Variants in CHCHD3 observed in about 807,000 individuals in gnomAD.
CHCHD3 encodes coiled-coil-helix-coiled-coil-helix domain containing 3.
CHCHD3 carries 20 observed loss-of-function variants against 38.2 expected under a neutral mutation model. That is an observed-to-expected ratio of 0.52 (90% CI 0.37 to 0.76). CHCHD3 has a LOEUF of 0.76. Among genes scored for constraint, CHCHD3 ranks in the 30% least tolerant of loss-of-function variants. The pLI is 0.00. For missense variants in CHCHD3, 245 were observed against 279.2 expected (o/e 0.88, Z 0.87); for synonymous variants, 82 against 100.0 (o/e 0.82, Z 1.07).
chr7:132,790,741 C>T (rs1170913297), intron 7 of CHCHD3, among the ~76,000 whole-genome samples: 4 of 152,122 alleles, frequency 2.6e-5, no homozygotes, highest in Admixed American at 1.3e-4. Context: ...AAGTGGCCAC[C>T]GTGTACATCG....
Position 132,893,647 on chromosome 7 carries a change from C to T in CHCHD3, c.370-7902G>A, listed in dbSNP as rs147430742. 1.6e-4 allele frequency among the ~76,000 whole-genome samples: 25 copies of T among 152,320 alleles called. No individual in the cohort carries two copies. The East Asian group carries it at 3.9e-3, about 24-fold the overall frequency. ...CAAACTGTAATCTCCATAATCTCCA[C>T]GTGTCAAGGGACAGACCTGGTGGGA... On this transcript the variant is annotated intron_variant, in intron 4 of 7. Coordinates refer to ENST00000262570, the MANE Select transcript of CHCHD3 (RefSeq NM_017812.4).
At chr7:132,903,855 G>A (rs1809729386) in intron 4 of CHCHD3, among the ~76,000 whole-genome samples, 1 of 152,204 alleles carries the variant, frequency 6.6e-6, no homozygotes, top group African/African-American at 2.4e-5. Flanking sequence ...CCAGAGGAAA[G>A]AGATTCCCAC....
chr7:133,021,914 G>T (rs547111089), intron 3 of CHCHD3, among the ~76,000 whole-genome samples: 1 of 151,874 alleles, frequency 6.6e-6, no homozygotes, highest in Non-Finnish European at 1.5e-5. Context: ...GTGAAACCCC[G>T]TCTCTACTAA....
intron 6 of CHCHD3, among the ~76,000 whole-genome samples, chr7:132,810,946 C>G (rs1318264034): frequency 6.6e-6 from 1 of 152,160 alleles, no homozygotes; most frequent in Admixed American, 6.6e-5. Flanking sequence ...TATGGCACTT[C>G]TTTGGTAAAC....
At chr7:132,857,166 A>G (rs1808361800) in intron 5 of CHCHD3, among the ~76,000 whole-genome samples, 1 of 152,238 alleles carries the variant, frequency 6.6e-6, no homozygotes, top group Non-Finnish European at 1.5e-5. Flanking sequence ...TTTTAAATAG[A>G]ACATAAAACA....
At chr7:132,806,896 G>A (rs901948658) in intron 6 of CHCHD3, among the ~76,000 whole-genome samples, 7 of 152,154 alleles carry the variant, frequency 4.6e-5, no homozygotes, top group African/African-American at 1.7e-4. Context: ...ACAAAGAAGG[G>A]CAGGCAGAAA....
rs114062255 is a variant in CHCHD3, at chr7:132,965,679, G to A, written c.369+9490C>T. On this transcript the variant is annotated intron_variant, in intron 4 of 7. Coordinates refer to ENST00000262570, the MANE Select transcript of CHCHD3 (RefSeq NM_017812.4). ...AAATATGTGCATACACTGGGCTAAA[G>A]AAACTGTAAATGGATGAAGTTTAAT... is the stretch of plus-strand genomic sequence containing the variant. Among the ~76,000 whole-genome samples, 257 of 152,294 alleles carry A rather than the reference G, an allele frequency of 1.7e-3. 2 individuals carry two copies. Among genetic ancestry groups the A allele is most frequent in the African/African-American group, 5.9e-3 (244 of 41,578 alleles).
intron 2 of CHCHD3, among the ~76,000 whole-genome samples, chr7:133,028,858 C>T (rs112647794): frequency 0.024 from 3,599 of 149,684 alleles, 154 homozygotes; most frequent in African/African-American, 0.084. Flanking sequence ...GCACTCCGGC[C>T]TGGGCGACAG....
chr7:132,973,690 C>T (rs1811670010), intron 4 of CHCHD3: 3 of 1,031,788 alleles, frequency 2.9e-6, no homozygotes, highest in Non-Finnish European at 3.5e-6. Context: ...ATTCATTACG[C>T]ATGGACTTCC....
chr7:132,839,476 T>C (rs1563250909), intron 5 of CHCHD3, among the ~76,000 whole-genome samples: 3 of 152,178 alleles, frequency 2.0e-5, no homozygotes, highest in African/African-American at 2.4e-5. Flanking sequence ...AATGACCCCA[T>C]GAGCCCTAAG....
At chr7:133,031,051 G>A (rs1813486880) in intron 2 of CHCHD3, among the ~76,000 whole-genome samples, 1 of 152,118 alleles carries the variant, frequency 6.6e-6, no homozygotes, top group Non-Finnish European at 1.5e-5. Context: ...GACCCACTTA[G>A]CCACCAAAAT....
intron 3 of CHCHD3, among the ~76,000 whole-genome samples, chr7:133,018,229 T>C (rs915096613): frequency 5.3e-5 from 8 of 152,358 alleles, no homozygotes; most frequent in African/African-American, 1.7e-4. Flanking sequence ...AACCATCTAC[T>C]ACCTCCAGTG....
chr7:132,793,674 A>G (rs1020748623), intron 7 of CHCHD3, among the ~76,000 whole-genome samples: 26 of 152,226 alleles, frequency 1.7e-4, no homozygotes, highest in Non-Finnish European at 3.5e-4. Context: ...TGAAAGGCCA[A>G]TCTTATGAGT....
At position 132,796,557 on chromosome 7, in the gene CHCHD3, A is replaced by G; in HGVS notation, c.545T>C (p.Val182Ala). 1 of 1,613,810 alleles carries G rather than the reference A, an allele frequency of 6.2e-7. No homozygotes were observed. The highest frequency in any genetic ancestry group is 8.5e-7 in the Non-Finnish European group (1 of 1,179,800). Residue 182 changes from valine to alanine, a missense_variant, in exon 7 of 8, where the codon GTC (valine) becomes GCC (alanine). Coordinates refer to ENST00000262570, the MANE Select transcript of CHCHD3 (RefSeq NM_017812.4). Reference protein sequence around the residue: ...AKFKRYESHPVCADLQAKILQ... With the variant: ...AKFKRYESHPACADLQAKILQ... ...AATTTTGGCCTGCAGATCAGCACAGACTGGATGAGACTCATATCGCCTGAA... is the reference window on the plus strand; with the variant it reads ...AATTTTGGCCTGCAGATCAGCACAGGCTGGATGAGACTCATATCGCCTGAA...
chr7:132,926,161 T>C (rs2117246298), intron 4 of CHCHD3, among the ~76,000 whole-genome samples: 1 of 152,238 alleles, frequency 6.6e-6, no homozygotes, highest in East Asian at 1.9e-4. Context: ...AGTAGACTAG[T>C]TGGGATATGC....
intron 5 of CHCHD3, among the ~76,000 whole-genome samples, chr7:132,876,583 C>A (rs2117159321): frequency 6.6e-6 from 1 of 152,224 alleles, no homozygotes; most frequent in South Asian, 2.1e-4. Flanking sequence ...GTATGCAACC[C>A]ATATTGTTGG....
intron 3 of CHCHD3, among the ~76,000 whole-genome samples, chr7:132,978,877 T>C (rs531237757): frequency 6.6e-6 from 1 of 152,346 alleles, no homozygotes; most frequent in South Asian, 2.1e-4. Flanking sequence ...CTTTCATTCA[T>C]CCTTACAAAT....
chr7:133,072,352 T>C (rs1814848737), intron 1 of CHCHD3, among the ~76,000 whole-genome samples: 1 of 152,164 alleles, frequency 6.6e-6, no homozygotes, highest in Non-Finnish European at 1.5e-5. Flanking sequence ...TGAGTGCTTA[T>C]TATGTGCCAG....
chr7:132,876,905 A>T (rs1225621281), intron 5 of CHCHD3, among the ~76,000 whole-genome samples: 2 of 152,176 alleles, frequency 1.3e-5, no homozygotes, highest in Non-Finnish European at 2.9e-5. Flanking sequence ...ACATCATAAT[A>T]GTGAAATCCT....
Sources: allele counts gnomAD v4.1 joint callset (sites outside exome capture counted in the v4.1 genomes callset), GRCh38; gene constraint gnomAD v4.1.1; transcripts MANE v1.5; gene names NCBI Gene and HGNC (gene_info 2026-07-23, HGNC 2026-07-21).